SMCHD1: variants seen among roughly 807,000 people sequenced by gnomAD.
SMCHD1 encodes structural maintenance of chromosomes flexible hinge domain containing 1, also known as structural maintenance of chromosomes flexible hinge domain-containing protein 1.
In SMCHD1, 78 loss-of-function variants were observed where a neutral mutation model predicts 254.7. That is an observed-to-expected ratio of 0.31 (90% confidence interval 0.26 to 0.37). SMCHD1 has a LOEUF of 0.37. Ranked by LOEUF, SMCHD1 falls within the 10% of genes least tolerant of loss-of-function variation. The probability of loss-of-function intolerance (pLI) is 1.00; values close to 1 mark genes in which losing one functional copy is unlikely to be tolerated. For synonymous variants in SMCHD1, 766 were observed against 794.9 expected, an observed-to-expected ratio of 0.96 and a Z score of 0.61; for missense variants, 1,840 against 2,408.1, an observed-to-expected ratio of 0.76 and a Z score of 4.94.
At chr18:2,678,207 T>C (rs1250512556) in intron 5 of SMCHD1, among the ~76,000 whole-genome samples, 1 of 43,550 alleles carries the variant, frequency 2.3e-5, no homozygotes, top group Non-Finnish European at 9.7e-5. Flanking sequence ...GTCTTTTCTT[T>C]CTTTTCTTTC....
chr18:2,728,534 G>A lies in SMCHD1; in HGVS notation c.2851G>A (p.Val951Met), dbSNP rs760801704. The A allele has an allele frequency of 4.3e-6, 7 of 1,613,186 alleles. No individual in the cohort carries two copies. The highest frequency in any genetic ancestry group is 2.2e-5 in the South Asian group (2 of 91,022). ...AAATGGAACAGCTTTCCCATTTCAGGTGGAAGTTTTAGATGAATCAGACAA... is the reference window on the plus strand; with the variant it reads ...AAATGGAACAGCTTTCCCATTTCAGATGGAAGTTTTAGATGAATCAGACAA... Reference protein sequence around the residue: ...IENGTAFPFQVEVLDESDNIT... With the variant: ...IENGTAFPFQMEVLDESDNIT... Residue 951 changes from valine to methionine, a missense_variant, in exon 23 of 48, where the codon GTG (valine) becomes ATG (methionine). Transcript: ENST00000320876.
At chr18:2,659,533 C>T (rs114064107) in intron 1 of SMCHD1, among the ~76,000 whole-genome samples, 1,585 of 152,216 alleles carry the variant, frequency 0.01, 24 homozygotes, top group African/African-American at 0.033. Context: ...CTCACCTGAG[C>T]CCTTGTGGCC....
Position 2,695,820 on chromosome 18 carries a change from T to A in SMCHD1, c.1040+1127T>A, listed in dbSNP as rs989591606. Reference sequence around the variant, plus strand: ...ATTATACGCTAAGAGAATTTTAAAATTTTTTTATGGGAAAATAAATTTGGT... The same window carrying A: ...ATTATACGCTAAGAGAATTTTAAAAATTTTTTATGGGAAAATAAATTTGGT... On this transcript the variant is annotated intron_variant, in intron 8 of 47. Transcript: ENST00000320876. Among the ~76,000 whole-genome samples, 5 of 152,276 alleles carry A rather than the reference T, an allele frequency of 3.3e-5. 1 individual carries two copies. Among genetic ancestry groups the A allele is most frequent in the Middle Eastern group, 6.8e-3 (2 of 294 alleles).
intron 1 of SMCHD1, among the ~76,000 whole-genome samples, chr18:2,662,727 A>G (rs993006151): frequency 9.2e-5 from 14 of 151,734 alleles, no homozygotes; most frequent in Non-Finnish European, 1.6e-4. Flanking sequence ...TAATGAATTA[A>G]AAAATACACG....
At position 2,688,676 on chromosome 18, in the gene SMCHD1, T is replaced by G. The variant is rs779413791; in HGVS notation, c.802T>G (p.Ser268Ala). ...CCAAGATGTTCACGAGCTTGTGCTT[T>G]CTAAAGAAGATTTTGAGAAGAAGGA... ...DSQDVHELVL[S>A]KEDFEKKEKN... Residue 268 changes from serine to alanine, a missense_variant, in exon 7 of 48, where the codon TCT becomes GCT. Around this residue, in one of 9 missense-constraint regions of SMCHD1, gnomAD observed 498 missense variants for 743.5 expected, o/e 0.67. Transcript: ENST00000320876. 1.9e-6 allele frequency: 3 copies of G among 1,557,688 alleles called. No individual in the cohort carries two copies. The highest frequency in any genetic ancestry group is 2.6e-6 in the Non-Finnish European group (3 of 1,148,186).
Position 2,770,126 on chromosome 18 carries a change from C to T in SMCHD1, c.4966+18C>T. On this transcript the variant is annotated intron_variant, in intron 39 of 47. Transcript: ENST00000320876. ...AATGAAATGTAAGTCATTTTGTATT[C>T]AAGACAAAAATTATGCTTTGGGGAA... is the stretch of plus-strand genomic sequence containing the variant. The T allele has an allele frequency of 6.3e-7, 1 of 1,593,674 alleles. No individual in the cohort carries two copies. The highest frequency in any genetic ancestry group is 8.5e-7 in the Non-Finnish European group (1 of 1,174,704).
chr18:2,742,706 C>G (rs1236637912), intron 28 of SMCHD1, among the ~76,000 whole-genome samples: 2 of 152,152 alleles, frequency 1.3e-5, no homozygotes, highest in Non-Finnish European at 2.9e-5. Context: ...GGATCTCACT[C>G]TTTTGCCCAG....
chr18:2,747,510 T>C lies in SMCHD1; in HGVS notation c.3802-12T>C, dbSNP rs199707863. ...ATTTTAGTGTTTCTTAAAATATTTCTATTCTTTTCAGTCCATTCCAGTGAT... is the reference window on the plus strand; with the variant it reads ...ATTTTAGTGTTTCTTAAAATATTTCCATTCTTTTCAGTCCATTCCAGTGAT... On this transcript the variant is annotated splice_polypyrimidine_tract_variant and intron_variant, in intron 29 of 47. Transcript: ENST00000320876. 178 of 1,586,946 alleles carry C rather than the reference T, an allele frequency of 1.1e-4. No individual in the cohort carries two copies. Among genetic ancestry groups the C allele is most frequent in the Non-Finnish European group, 1.5e-4 (173 of 1,164,556 alleles).
intron 1 of SMCHD1, among the ~76,000 whole-genome samples, chr18:2,657,271 T>G (rs965878834): frequency 1.3e-5 from 2 of 152,208 alleles, no homozygotes; most frequent in Non-Finnish European, 2.9e-5. Context: ...GACTTTCTTT[T>G]GTTCACAGCT....
intron 8 of SMCHD1, among the ~76,000 whole-genome samples, chr18:2,696,774 C>T (rs887108727): frequency 5.3e-5 from 8 of 152,152 alleles, no homozygotes. Context: ...TGGGTTGAAG[C>T]CCACGGCTCC....
intron 7 of SMCHD1, among the ~76,000 whole-genome samples, chr18:2,689,330 G>A (rs2074121632): frequency 6.7e-6 from 1 of 148,722 alleles, no homozygotes; most frequent in African/African-American, 2.5e-5. Flanking sequence ...ATATTCTCCT[G>A]CCTCAGCCTC....
In SMCHD1 at chr18:2,764,073, C is replaced by T. The variant is rs1436143802; in HGVS notation, c.4719+284C>T. On this transcript the variant is annotated intron_variant, in intron 37 of 47. Transcript: ENST00000320876. The stretch of plus-strand genomic sequence containing the variant: ...GTTTTATGTTTCATTGAAAAGCTGC[C>T]GTTATGTGGATAGAAACAAAAAATG... 5 of 235,246 alleles carry T rather than the reference C, an allele frequency of 2.1e-5. 1 individual carries two copies. Among genetic ancestry groups the T allele is most frequent in the South Asian group, 8.8e-5 (1 of 11,362 alleles). 14.6% of individuals were successfully genotyped at this position (235,246 alleles called of 1,614,324 possible).
intron 17 of SMCHD1, among the ~76,000 whole-genome samples, chr18:2,717,221 G>T (rs144915081): frequency 1.1e-4 from 17 of 152,280 alleles, no homozygotes; most frequent in Admixed American, 3.3e-4. Context: ...CCAGTGCTTG[G>T]TAGGGCCAAG....
chr18:2,701,155 G>GTTTTTTTTTTTTTTTTTTTTT (rs200431551), intron 12 of SMCHD1: 1 of 227,564 alleles, frequency 4.4e-6, no homozygotes. Flanking sequence ...ATCTTCATTA[G>GTTTTTTTTTTTTTTTTTTTTT]TTTTTTTTGT....
chr18:2,711,995 G>A (rs1041218307), intron 17 of SMCHD1, among the ~76,000 whole-genome samples: 12 of 152,124 alleles, frequency 7.9e-5, no homozygotes, highest in African/African-American at 2.9e-4. Flanking sequence ...CTTCCACCAT[G>A]AGTGGAAGCA....
intron 29 of SMCHD1, 40 bp downstream of exon 29, chr18:2,743,968 A>C: frequency 2.3e-5 from 34 of 1,482,724 alleles, no homozygotes; most frequent in African/African-American, 2.8e-5. Flanking sequence ...ATTTAATATC[A>C]TATGGCTTAT....
In SMCHD1 at chr18:2,724,954, G is replaced by T; in HGVS notation, c.2659G>T (p.Gly887Cys). 2 of 1,594,082 alleles carry T rather than the reference G, an allele frequency of 1.3e-6. No homozygotes were observed. Among genetic ancestry groups the T allele is most frequent in the East Asian group, 2.2e-5 (1 of 44,538 alleles). Reference sequence around the variant, plus strand: ...CAAAGGACCAAATTGTGTAATTCGAGGTGTTACAGCCAAGGGCCCTGTAAA... The same window carrying T: ...CAAAGGACCAAATTGTGTAATTCGATGTGTTACAGCCAAGGGCCCTGTAAA... ...ITKGPNCVIR[G>C]VTAKGPVNSC... The change falls in exon 21 of 48, where the codon GGT becomes TGT. Residue 887 changes from glycine (G) to cysteine (C), a missense_variant. Physicochemically the swap from Gly to Cys is radical, Grantham distance 159. Coordinates refer to ENST00000320876, the MANE Select transcript of SMCHD1 (RefSeq NM_015295.3).
intron 34 of SMCHD1, among the ~76,000 whole-genome samples, chr18:2,755,824 C>T (rs2075668385): frequency 6.6e-6 from 1 of 152,086 alleles, no homozygotes; most frequent in Non-Finnish European, 1.5e-5. Flanking sequence ...GCCTTGGCCT[C>T]CCAAAGTGCT....
chr18:2,728,483 CCT>C lies in SMCHD1; in HGVS notation c.2801_2802del (p.Pro934ArgfsTer3). 1 of 1,612,800 alleles carries C rather than the reference CCT, an allele frequency of 6.2e-7. No homozygotes were observed. The highest frequency in any genetic ancestry group is 8.5e-7 in the Non-Finnish European group (1 of 1,179,366). ...TCACCCTCGTCGACTGAAAGTGAAACCTGATTCTGAAATTTTAGTTATAGAAA... is the reference window on the plus strand; with the variant it reads ...TCACCCTCGTCGACTGAAAGTGAAACGATTCTGAAATTTTAGTTATAGAAA... ...PGHPRRLKVK[P>X]DSEILVIENG... is the part of the protein sequence containing the mutation. On this transcript the variant is annotated frameshift_variant, in exon 23 of 48. Coordinates refer to ENST00000320876, the MANE Select transcript of SMCHD1 (RefSeq NM_015295.3). LOFTEE classifies it high-confidence loss of function.
Sources: gnomAD v4.1 joint callset for allele counts (sites outside exome capture counted in the v4.1 genomes callset) on GRCh38, gnomAD v4.1.1 for gene constraint, gnomAD v4.1.1 regional missense constraint, MANE v1.5 for transcripts, NCBI Gene and HGNC (gene_info 2026-07-23, HGNC 2026-07-21) for gene names.